AKAP6: variants seen among roughly 807,000 people sequenced by gnomAD.
AKAP6 encodes the protein A-kinase anchoring protein 6, also known as A-kinase anchor protein 6.
In AKAP6, 58 loss-of-function variants were observed where a neutral mutation model predicts 188.5. The observed-to-expected ratio is 0.31, with a 90% CI of 0.25 to 0.38. AKAP6 has a LOEUF of 0.38. AKAP6 is among the 10% of genes least tolerant of loss of function. The pLI is 1.00. For synonymous variants in AKAP6, 989 were observed against 998.6 expected, an observed-to-expected ratio of 0.99 and a Z score of 0.18; for missense variants, 2,710 against 2,740.0, an observed-to-expected ratio of 0.99 and a Z score of 0.24.
intron 7 of AKAP6, among the ~76,000 whole-genome samples, chr14:32,610,646 A>G (rs766885392): frequency 9.8e-5 from 15 of 152,310 alleles, no homozygotes; most frequent in East Asian, 3.9e-4. Context: ...CTAAGAGAAG[A>G]TGGATTTTGT....
chr14:32,626,056 C>A (rs538157186), intron 7 of AKAP6, among the ~76,000 whole-genome samples: 1 of 152,224 alleles, frequency 6.6e-6, no homozygotes, highest in African/African-American at 2.4e-5. Flanking sequence ...TTTGGTGGAG[C>A]CACAGAGATG....
At chr14:32,420,261 A>AT (rs552995652) in intron 1 of AKAP6, among the ~76,000 whole-genome samples, 22 of 151,982 alleles carry the variant, frequency 1.4e-4, no homozygotes, top group African/African-American at 2.7e-4. Context: ...CTCCCTGAGT[A>AT]TTTTTTTTCC....
chr14:32,718,036 C>G (rs1051166811), intron 9 of AKAP6, among the ~76,000 whole-genome samples: 1 of 152,080 alleles, frequency 6.6e-6, no homozygotes, highest in Admixed American at 6.6e-5. Context: ...TAGGGCCCAC[C>G]AATTTCTTCA....
chr14:32,457,307 A>G (rs1314096905), intron 2 of AKAP6, among the ~76,000 whole-genome samples: 1 of 152,194 alleles, frequency 6.6e-6, no homozygotes, highest in East Asian at 1.9e-4. Flanking sequence ...TCCCTTGGCA[A>G]TGGACATTTT....
chr14:32,336,909 A>G (rs1886721663), intron 1 of AKAP6, among the ~76,000 whole-genome samples: 1 of 152,238 alleles, frequency 6.6e-6, no homozygotes, highest in East Asian at 1.9e-4. Flanking sequence ...GTTTATTCCT[A>G]TTACATTAGC....
chr14:32,478,028 C>T (rs1879159084), intron 2 of AKAP6, among the ~76,000 whole-genome samples: 1 of 152,156 alleles, frequency 6.6e-6, no homozygotes, highest in Non-Finnish European at 1.5e-5. Flanking sequence ...TGTCAACAGG[C>T]ATTGCATGGC....
chr14:32,775,935 G>C (rs561127630), intron 12 of AKAP6, among the ~76,000 whole-genome samples: 101 of 152,316 alleles, frequency 6.6e-4, no homozygotes, highest in Middle Eastern at 3.4e-3. Flanking sequence ...GAAAATCTCT[G>C]TCAGAAAAGG....
chr14:32,355,628 A>G (rs543261390), intron 1 of AKAP6, among the ~76,000 whole-genome samples: 1 of 152,360 alleles, frequency 6.6e-6, no homozygotes, highest in African/African-American at 2.4e-5. Context: ...AATAGACAAG[A>G]TCTAGTGGTG....
chr14:32,422,621 C>T (rs80038661), intron 1 of AKAP6, among the ~76,000 whole-genome samples: 2,257 of 152,298 alleles, frequency 0.015, 65 homozygotes, highest in African/African-American at 0.051. Context: ...AATCACCACC[C>T]ACATGGTTGC....
chr14:32,544,742 C>T (rs532265094), intron 3 of AKAP6, among the ~76,000 whole-genome samples: 1 of 152,234 alleles, frequency 6.6e-6, no homozygotes, highest in East Asian at 1.9e-4. Context: ...ACACAACTGG[C>T]TTATTATAAT....
chr14:32,436,038 T>C (rs1890367785), intron 2 of AKAP6, among the ~76,000 whole-genome samples: 1 of 152,196 alleles, frequency 6.6e-6, no homozygotes, highest in Admixed American at 6.5e-5. Context: ...GTTTTATATG[T>C]GGAAACACAA....
intron 1 of AKAP6, among the ~76,000 whole-genome samples, chr14:32,419,080 A>G (rs1363098086): frequency 6.6e-6 from 1 of 152,206 alleles, no homozygotes; most frequent in Non-Finnish European, 1.5e-5. Flanking sequence ...CTTGACTGTA[A>G]TGAAATTGAT....
At position 32,460,601 on chromosome 14, in the gene AKAP6, C is replaced by T. The variant is rs114488380; in HGVS notation, c.324+26784C>T. Among the ~76,000 whole-genome samples, 420 of 152,318 alleles carry T rather than the reference C, an allele frequency of 2.8e-3. 5 individuals carry two copies. Among genetic ancestry groups the T allele is most frequent in the African/African-American group, 9.1e-3 (379 of 41,578 alleles). ...AGATCAGGAGATTCCCTCGAGTGCC[C>T]ACATCACCAGGGCCCTGGGTTTCAA... On this transcript the variant is annotated intron_variant, in intron 2 of 13. Coordinates refer to ENST00000280979, the MANE Select transcript of AKAP6 (RefSeq NM_004274.5).
intron 11 of AKAP6, among the ~76,000 whole-genome samples, chr14:32,771,051 T>C (rs1200832431): frequency 6.6e-6 from 1 of 152,230 alleles, no homozygotes; most frequent in African/African-American, 2.4e-5. Context: ...GGAATTAATA[T>C]AAACTACTGA....
chr14:32,821,607 C>G lies in AKAP6; in HGVS notation c.3794C>G (p.Ala1265Gly). The G allele has an allele frequency of 6.2e-7, 1 of 1,613,678 alleles. No individual in the cohort carries two copies. The highest frequency in any genetic ancestry group is 2.2e-5 in the East Asian group (1 of 44,860). The change falls in exon 13 of 14, where the codon GCT (alanine) becomes GGT (glycine). Residue 1265 changes from alanine (A) to glycine (G), a missense_variant. Ala to Gly is a moderately conservative substitution (Grantham distance 60). This residue lies in a region of AKAP6 where 2,473 missense variants were observed against 2,426.1 expected (regional missense o/e 1.02). Transcript: ENST00000280979. ...GAGGACCCTGGTTATGACGAGGAGG[C>G]TGATAACCATGGGGGATCTCAGTAT... is the stretch of plus-strand genomic sequence containing the variant. ...SNEDPGYDEE[A>G]DNHGGSQYAS...
chr14:32,812,469 T>C (rs558286424), intron 12 of AKAP6, among the ~76,000 whole-genome samples: 90 of 152,266 alleles, frequency 5.9e-4, no homozygotes, highest in African/African-American at 2.0e-3. Context: ...ACACCAAATA[T>C]AGTGACTGAG....
chr14:32,573,025 A>G (rs968277702), intron 4 of AKAP6, among the ~76,000 whole-genome samples: 5 of 152,156 alleles, frequency 3.3e-5, no homozygotes, highest in African/African-American at 1.2e-4. Flanking sequence ...GAAACAGTTA[A>G]TCCATGAGAG....
At chr14:32,537,538 C>A (rs1566561979) in intron 3 of AKAP6, among the ~76,000 whole-genome samples, 2 of 152,158 alleles carry the variant, frequency 1.3e-5, no homozygotes, top group Admixed American at 6.6e-5. Flanking sequence ...TACCTGGCAT[C>A]TTCAAGTCTA....
At position 32,824,142 on chromosome 14, in the gene AKAP6, A is replaced by T. The variant is rs2034611051; in HGVS notation, c.6329A>T (p.Tyr2110Phe). The T allele has an allele frequency of 6.2e-7, 1 of 1,614,018 alleles. No homozygotes were observed. The highest frequency in any genetic ancestry group is 1.3e-5 in the African/African-American group (1 of 75,048). Residue 2110 changes from tyrosine (Y) to phenylalanine (F), a missense_variant, in exon 13 of 14, where the codon TAT becomes TTT. Around this residue, in one of 2 missense-constraint regions of AKAP6, gnomAD observed 2,473 missense variants for 2,426.1 expected, o/e 1.02. Transcript: ENST00000280979. ...ATCCAGCTGAGAAAAGGGGACTTTTATTCGTACTTATCTCTCTCATCTCAT... is the reference window on the plus strand; with the variant it reads ...ATCCAGCTGAGAAAAGGGGACTTTTTTTCGTACTTATCTCTCTCATCTCAT... ...RPIQLRKGDF[Y>F]SYLSLSSHDS...
Sources: gnomAD v4.1 joint callset for allele counts (sites outside exome capture counted in the v4.1 genomes callset) on GRCh38, gnomAD v4.1.1 for gene constraint, gnomAD v4.1.1 regional missense constraint, MANE v1.5 for transcripts, NCBI Gene and HGNC (gene_info 2026-07-23, HGNC 2026-07-21) for gene names.